The following NFAM1 variants were observed in gnomAD, a reference collection of about 807,000 sequenced individuals.
The protein encoded by NFAM1 is NFAT activating protein with ITAM motif 1, also known as NFAT activation molecule 1.
In NFAM1, 17 loss-of-function variants were observed where a neutral mutation model predicts 29.0. The ratio of observed to expected loss-of-function variants is 0.59; its 90% CI spans 0.40 to 0.88. The LOEUF is 0.88. Ranked by LOEUF, NFAM1 falls within the 40% of genes least tolerant of loss-of-function variation. The pLI, the probability that NFAM1 is intolerant of heterozygous loss-of-function variation, is 0.00. For synonymous variants in NFAM1, 175 were observed against 147.2 expected (o/e 1.19, Z -1.36); for missense variants, 324 against 344.6 (o/e 0.94, Z 0.47).
intron 5 of NFAM1, among the ~76,000 whole-genome samples, chr22:42,385,582 G>A (rs200036801): frequency 1.1e-3 from 162 of 152,088 alleles, no homozygotes; most frequent in African/African-American, 3.8e-3. Flanking sequence ...GGGTCCCAGG[G>A]ACCCCCTCCC....
chr22:42,413,909 C>G (rs1930174159), intron 1 of NFAM1, among the ~76,000 whole-genome samples: 1 of 152,104 alleles, frequency 6.6e-6, no homozygotes. Flanking sequence ...AAAATATTAG[C>G]CAGGTGTGGT....
At chr22:42,400,848 G>A (rs1490164092) in intron 3 of NFAM1, among the ~76,000 whole-genome samples, 1 of 152,210 alleles carries the variant, frequency 6.6e-6, no homozygotes, top group Admixed American at 6.5e-5. Context: ...TCTTCGCTGA[G>A]CTGGCCGACC....
Position 42,409,900 on chromosome 22 carries a change from G to A in NFAM1, c.452-353C>T, listed in dbSNP as rs1930025928. 6.6e-6 allele frequency among the ~76,000 whole-genome samples: 1 copy of A among 152,140 alleles called. No homozygotes were observed. Among genetic ancestry groups the A allele is most frequent in the Non-Finnish European group, 1.5e-5 (1 of 68,026 alleles). ...AGGTGGTGATAATACGGGTGGATGTGGCTAGGGCTGAAGGAGGCGGATTTA... is the reference window on the plus strand; with the variant it reads ...AGGTGGTGATAATACGGGTGGATGTAGCTAGGGCTGAAGGAGGCGGATTTA... On this transcript the variant is annotated intron_variant, in intron 2 of 5. Transcript: ENST00000329021. This position sits in a 1 kb window ranked among gnomAD's most constrained non-coding sequence, Gnocchi z 4.9.
chr22:42,406,165 A>C (rs1601747090), intron 3 of NFAM1, among the ~76,000 whole-genome samples: 2 of 105,506 alleles, frequency 1.9e-5, no homozygotes, highest in African/African-American at 3.2e-5. Context: ...AGATCCAAAT[A>C]CCCCCCGGCT....
intron 1 of NFAM1, among the ~76,000 whole-genome samples, chr22:42,412,751 T>C (rs1028062186): frequency 1.3e-5 from 2 of 152,202 alleles, no homozygotes; most frequent in Non-Finnish European, 2.9e-5. Context: ...TCTCCCGGAC[T>C]CTGGGCTCGG....
rs140061401 is a variant in NFAM1 at position 42,395,960 on chromosome 22, A to T, written c.663+1898T>A. Among the ~76,000 whole-genome samples the T allele has an allele frequency of 1.2e-4, 19 of 152,128 alleles. No individual in the cohort carries two copies. In the East Asian group the frequency reaches 3.5e-3, roughly 28 times the overall value. On this transcript the variant is annotated intron_variant, in intron 4 of 5. Coordinates refer to ENST00000329021, the MANE Select transcript of NFAM1 (RefSeq NM_145912.8). Reference sequence around the variant, plus strand: ...GACAAAACCTTTACCCTAAAACCTTATCAAGAGGATTGATAAAATATAACA... The same window carrying T: ...GACAAAACCTTTACCCTAAAACCTTTTCAAGAGGATTGATAAAATATAACA...
At chr22:42,406,034 A>G (rs1445926037) in intron 3 of NFAM1, among the ~76,000 whole-genome samples, 1 of 152,114 alleles carries the variant, frequency 6.6e-6, no homozygotes, top group Non-Finnish European at 1.5e-5. Flanking sequence ...AGGATGGGAA[A>G]CTAAGGCACG....
chr22:42,406,506 CCCCCATGCAGCTCCTGGGACA>C (rs1043644644), intron 3 of NFAM1, among the ~76,000 whole-genome samples: 1 of 152,180 alleles, frequency 6.6e-6, no homozygotes, highest in African/African-American at 2.4e-5. Flanking sequence ...GCCACATGGG[CCCCCATGCAGCTCCTGGGACA>C]CCCCATGCCC....
In NFAM1 at chr22:42,390,264, C is replaced by T. The variant is rs117381489; in HGVS notation, c.664-3186G>A. ...CCCTGTGCTGGGCCCCGTGGAAACC[C>T]GGACACCCTGGGAGGTAAGAACAGG... On this transcript the variant is annotated intron_variant, in intron 4 of 5. Coordinates refer to ENST00000329021, the MANE Select transcript of NFAM1 (RefSeq NM_145912.8). Among the ~76,000 whole-genome samples the T allele has an allele frequency of 2.6e-3, 394 of 152,212 alleles. 2 individuals are homozygous for T. Among genetic ancestry groups the T allele is most frequent in the Non-Finnish European group, 3.3e-3 (226 of 68,000 alleles).
upstream of NFAM1, among the ~76,000 whole-genome samples, chr22:42,434,648 C>T (rs1313215180): frequency 2.0e-5 from 3 of 152,198 alleles, no homozygotes; most frequent in Non-Finnish European, 4.4e-5. Flanking sequence ...TCATTTCTAC[C>T]AAAACTTTCT....
rs1929237524 is a variant in NFAM1 at position 42,388,850 on chromosome 22, G to A, written c.664-1772C>T. Among the ~76,000 whole-genome samples, 1 of 152,144 alleles carries A rather than the reference G, an allele frequency of 6.6e-6. No individual in the cohort carries two copies. Among genetic ancestry groups the A allele is most frequent in the Non-Finnish European group, 1.5e-5 (1 of 68,008 alleles). ...AGAGGGGCTTCCAACCTGCTTCCTT[G>A]TAGGAAAGGGACCAGGGCTGCCCCA... On this transcript the variant is annotated intron_variant, in intron 4 of 5. Transcript: ENST00000329021. The surrounding 1 kb of genome is among the most constrained non-coding windows in gnomAD (Gnocchi z 4.1).
At chr22:42,401,284 CAGA>C (rs1363610066) in intron 3 of NFAM1, among the ~76,000 whole-genome samples, 3 of 152,168 alleles carry the variant, frequency 2.0e-5, no homozygotes, top group Non-Finnish European at 4.4e-5. Context: ...CATGGATGCA[CAGA>C]AGAATGGACA....
At chr22:42,434,140 C>T (rs534580798), upstream of NFAM1, among the ~76,000 whole-genome samples, 17 of 152,272 alleles carry the variant, frequency 1.1e-4, 1 homozygote, top group South Asian at 3.5e-3. Flanking sequence ...GGAGTTCTGC[C>T]GCCTCTGAGT....
chr22:42,385,244 G>A (rs1334972980), intron 5 of NFAM1, 24 bp from the exon 6 acceptor site: 5 of 1,523,540 alleles, frequency 3.3e-6, no homozygotes, highest in Non-Finnish European at 4.6e-6. Flanking sequence ...AAGAAAGGGA[G>A]GGAAGGAGAG....
rs1033545364 is a variant in NFAM1 at position 42,388,167 on chromosome 22, G to A, written c.664-1089C>T. ...GACCTCAGGATGGTAGAAAGAACCG[G>A]GGCTTTAAAGTCAGACAAGAGTAGG... On this transcript the variant is annotated intron_variant, in intron 4 of 5. Transcript: ENST00000329021. This position sits in a 1 kb window ranked among gnomAD's most constrained non-coding sequence, Gnocchi z 4.1. Among the ~76,000 whole-genome samples the A allele has an allele frequency of 2.0e-5, 3 of 152,112 alleles. No homozygotes were observed. Among genetic ancestry groups the A allele is most frequent in the African/African-American group, 7.2e-5 (3 of 41,404 alleles).
upstream of NFAM1, among the ~76,000 whole-genome samples, chr22:42,433,876 C>T (rs1930878102): frequency 6.6e-6 from 1 of 152,152 alleles, no homozygotes; most frequent in African/African-American, 2.4e-5. Context: ...CACCTTGATG[C>T]CATGGTGATA....
chr22:42,412,669 G>C (rs1930134938), intron 1 of NFAM1, among the ~76,000 whole-genome samples: 1 of 152,250 alleles, frequency 6.6e-6, no homozygotes, highest in Non-Finnish European at 1.5e-5. Context: ...TAGACAGAGA[G>C]GGAGGCAGGT....
Position 42,397,844 on chromosome 22 carries a change from GC to G in NFAM1, c.663+13del. 1 of 1,551,014 alleles carries G rather than the reference GC, an allele frequency of 6.4e-7. No individual in the cohort carries two copies. The highest frequency in any genetic ancestry group is 8.9e-7 in the Non-Finnish European group (1 of 1,122,592). Reference sequence around the variant, plus strand: ...CTGAAAGAGGTGGAGGGAGCCGGGGGCCCCGGGACTCACTGTGTAGACAGAT... The same window carrying G: ...CTGAAAGAGGTGGAGGGAGCCGGGGGCCCGGGACTCACTGTGTAGACAGAT... On this transcript the variant is annotated intron_variant, in intron 4 of 5. Coordinates refer to ENST00000329021, the MANE Select transcript of NFAM1 (RefSeq NM_145912.8).
At chr22:42,396,957 C>T (rs1266119951) in intron 4 of NFAM1, among the ~76,000 whole-genome samples, 1 of 152,196 alleles carries the variant, frequency 6.6e-6, no homozygotes, top group Admixed American at 6.5e-5. Context: ...ACCTGGGGAG[C>T]GTGCACCTGG....
Sources: gnomAD v4.1 joint callset for allele counts (sites outside exome capture counted in the v4.1 genomes callset) on GRCh38, gnomAD v4.1.1 for gene constraint, Gnocchi (gnomAD v3.1) non-coding constraint, MANE v1.5 for transcripts, NCBI Gene and HGNC (gene_info 2026-07-23, HGNC 2026-07-21) for gene names.